Variants in AKAP7 observed in about 807,000 individuals in gnomAD.
AKAP7 encodes the protein A-kinase anchoring protein 7, also known as A kinase (PRKA) anchor protein 7.
Under a neutral mutation model 39.5 loss-of-function variants are expected in AKAP7, and 39 were observed. The ratio of observed to expected loss-of-function variants is 0.99; its 90% CI spans 0.76 to 1.29. The LOEUF (loss-of-function observed/expected upper bound fraction) is 1.29. AKAP7 is among the 50% of genes most tolerant of loss of function. The probability of loss-of-function intolerance (pLI) is 0.00; values close to 1 mark genes in which losing one functional copy is unlikely to be tolerated. For missense variants in AKAP7, 414 were observed against 407.7 expected (o/e 1.02, Z -0.13); for synonymous variants, 140 against 139.1 (o/e 1.01, Z -0.05).
At chr6:131,207,122 T>C (rs1808182270) in intron 6 of AKAP7, among the ~76,000 whole-genome samples, 1 of 152,168 alleles carries the variant, frequency 6.6e-6, no homozygotes, top group Non-Finnish European at 1.5e-5. Flanking sequence ...CCAAATTGCT[T>C]AATTTGGCTT....
At chr6:131,160,312 T>C in intron 3 of AKAP7, 114 bp downstream of exon 3, 1 of 1,022,594 alleles carries the variant, frequency 9.8e-7, no homozygotes, top group Non-Finnish European at 1.5e-6. Flanking sequence ...GGTGGCATTT[T>C]AGCAGGACTG....
At chr6:131,265,190 A>G (rs1813680747) in intron 7 of AKAP7, among the ~76,000 whole-genome samples, 1 of 152,148 alleles carries the variant, frequency 6.6e-6, no homozygotes, top group South Asian at 2.1e-4. Context: ...GATGGGGTGC[A>G]GTGGTGCAAT....
At chr6:131,201,295 G>A (rs558251530) in intron 6 of AKAP7, among the ~76,000 whole-genome samples, 44 of 152,180 alleles carry the variant, frequency 2.9e-4, no homozygotes, top group Non-Finnish European at 5.6e-4. Context: ...TATGTATTGA[G>A]TGCCTACTAT....
intron 7 of AKAP7, among the ~76,000 whole-genome samples, chr6:131,233,993 G>A (rs1416242816): frequency 6.6e-6 from 1 of 152,104 alleles, no homozygotes; most frequent in Non-Finnish European, 1.5e-5. Flanking sequence ...AAATATGAAT[G>A]GGGGTAGTGA....
intron 7 of AKAP7, among the ~76,000 whole-genome samples, chr6:131,280,365 T>G (rs1815105070): frequency 6.6e-6 from 1 of 152,066 alleles, no homozygotes; most frequent in African/African-American, 2.4e-5. Context: ...TCTTGATGGG[T>G]GTTACATACA....
chr6:131,141,820 T>C (rs1801057018), intron 1 of AKAP7, among the ~76,000 whole-genome samples: 1 of 152,112 alleles, frequency 6.6e-6, no homozygotes, highest in Non-Finnish European at 1.5e-5. Context: ...CTTGTGTCCA[T>C]GCCCTAGGGA....
In AKAP7 at chr6:131,199,477, A is replaced by G; in HGVS notation, c.606A>G (p.Thr202=). The change falls in exon 6 of 8, where the codon ACA becomes ACG. Residue 202 remains threonine (T), a synonymous_variant. Coordinates refer to ENST00000431975, the MANE Select transcript of AKAP7 (RefSeq NM_016377.4). ...TTTCTTCAGAGACTGCAAATAGGAC[A>G]TTTCAAGAAAAAGGCATCCTGGTAG... is the stretch of plus-strand genomic sequence containing the variant. ...LLEIAETANR[T]FQEKGILVGE... is the part of the protein sequence containing the mutation. The G allele has an allele frequency of 1.2e-6, 2 of 1,601,520 alleles. No homozygotes were observed. The highest frequency in any genetic ancestry group is 2.2e-5 in the East Asian group (1 of 44,772).
chr6:131,240,798 C>G (rs1326220067), intron 7 of AKAP7, among the ~76,000 whole-genome samples: 1 of 152,182 alleles, frequency 6.6e-6, no homozygotes, highest in African/African-American at 2.4e-5. Flanking sequence ...TTCCAGGTGC[C>G]GTCTGTCACC....
intron 5 of AKAP7, among the ~76,000 whole-genome samples, chr6:131,177,998 C>T (rs1804742149): frequency 1.3e-5 from 2 of 152,180 alleles, no homozygotes; most frequent in South Asian, 2.1e-4. Flanking sequence ...TGCTTTGTCC[C>T]TGTTATATCC....
intron 7 of AKAP7, among the ~76,000 whole-genome samples, chr6:131,259,784 G>A (rs1813155789): frequency 2.0e-5 from 3 of 152,106 alleles, no homozygotes; most frequent in Non-Finnish European, 4.4e-5. Context: ...CAATTTAAAT[G>A]GAAGAGCAAA....
At chr6:131,209,541 C>A (rs1189793417) in intron 6 of AKAP7, among the ~76,000 whole-genome samples, 1 of 152,160 alleles carries the variant, frequency 6.6e-6, no homozygotes, top group East Asian at 1.9e-4. Flanking sequence ...TGAGCCACCA[C>A]ACCCAGCCCG....
intron 7 of AKAP7, among the ~76,000 whole-genome samples, chr6:131,233,195 C>G (rs1810772532): frequency 6.6e-6 from 1 of 152,102 alleles, no homozygotes; most frequent in Non-Finnish European, 1.5e-5. Context: ...ATAAAACTCA[C>G]TAAATTCTTC....
At chr6:131,221,006 G>GA (rs953590142) in intron 7 of AKAP7, among the ~76,000 whole-genome samples, 2 of 150,906 alleles carry the variant, frequency 1.3e-5, no homozygotes, top group Non-Finnish European at 3.0e-5. Flanking sequence ...GGACATGCAA[G>GA]AAAAAAAAAG....
At chr6:131,241,609 G>GTATATATATA (rs1176516314) in intron 7 of AKAP7, among the ~76,000 whole-genome samples, 118 of 135,218 alleles carry the variant, frequency 8.7e-4, no homozygotes, top group South Asian at 5.1e-3. Flanking sequence ...GTGTGTGTGT[G>GTATATATATA]TGTGTGTGTG....
chr6:131,157,330 C>T (rs1271256947), intron 2 of AKAP7, among the ~76,000 whole-genome samples: 2 of 152,128 alleles, frequency 1.3e-5, no homozygotes, highest in African/African-American at 2.4e-5. Context: ...CACAGTCACA[C>T]AGCTAGTATG....
intron 1 of AKAP7, among the ~76,000 whole-genome samples, chr6:131,139,946 C>T (rs1800891168): frequency 6.6e-6 from 1 of 152,188 alleles, no homozygotes; most frequent in African/African-American, 2.4e-5. Context: ...TTGGAGGAAG[C>T]ACTAGGTGCC....
chr6:131,268,178 CA>C (rs1259087593), intron 7 of AKAP7, among the ~76,000 whole-genome samples: 5 of 152,178 alleles, frequency 3.3e-5, no homozygotes, highest in Non-Finnish European at 1.5e-5. Flanking sequence ...TGCTATTTCT[CA>C]CATAATATTT....
At chr6:131,178,460 T>A (rs2128252356) in intron 5 of AKAP7, among the ~76,000 whole-genome samples, 2 of 152,338 alleles carry the variant, frequency 1.3e-5, no homozygotes, top group South Asian at 4.1e-4. Context: ...AGCTGTTGCT[T>A]TTCTTAAAAT....
intron 5 of AKAP7, among the ~76,000 whole-genome samples, chr6:131,169,823 A>T (rs574244358): frequency 6.6e-6 from 1 of 152,144 alleles, no homozygotes. Flanking sequence ...ACTTCATTTC[A>T]TGTCATGTCA....
Sources: gnomAD v4.1 joint callset for allele counts (sites outside exome capture counted in the v4.1 genomes callset) on GRCh38, gnomAD v4.1.1 for gene constraint, MANE v1.5 for transcripts, NCBI Gene and HGNC (gene_info 2026-07-23, HGNC 2026-07-21) for gene names.